Variants in MTDH observed in about 807,000 individuals in gnomAD.
MTDH encodes the protein metadherin, also known as protein LYRIC.
In MTDH, 34 loss-of-function variants were observed where a neutral mutation model predicts 72.7. That is an observed-to-expected ratio of 0.47 (90% confidence interval 0.36 to 0.62). MTDH has a LOEUF of 0.62. Among genes scored for constraint, MTDH ranks in the 20% least tolerant of loss-of-function variants. The pLI is 0.00. For synonymous variants in MTDH, 266 were observed against 268.9 expected (o/e 0.99, Z 0.10); for missense variants, 677 against 699.4 (o/e 0.97, Z 0.36).
At chr8:97,645,697 A>C (rs982227915) in intron 1 of MTDH, among the ~76,000 whole-genome samples, 1 of 152,216 alleles carries the variant, frequency 6.6e-6, no homozygotes, top group Non-Finnish European at 1.5e-5. Flanking sequence ...GAAGTTGCAG[A>C]GGGCATCACG....
At chr8:97,714,464 C>T (rs1814768050) in intron 9 of MTDH, among the ~76,000 whole-genome samples, 1 of 149,616 alleles carries the variant, frequency 6.7e-6, no homozygotes, top group South Asian at 2.2e-4. Context: ...ATTAGCTAGG[C>T]ACGGTGGCAT....
At chr8:97,678,226 C>G (rs565981747) in intron 2 of MTDH, among the ~76,000 whole-genome samples, 1 of 152,254 alleles carries the variant, frequency 6.6e-6, no homozygotes, top group South Asian at 2.1e-4. Context: ...ACTTATTTAA[C>G]TTTTTTGAAT....
intron 8 of MTDH, among the ~76,000 whole-genome samples, chr8:97,712,880 A>G (rs1202353351): frequency 2.0e-5 from 3 of 151,724 alleles, no homozygotes; most frequent in Non-Finnish European, 4.4e-5. Flanking sequence ...ATTTTTTTTT[A>G]AACTTGAGTG....
intron 2 of MTDH, among the ~76,000 whole-genome samples, chr8:97,677,004 C>CAAAAAAA (rs57430782): frequency 0.46 from 10,741 of 23,248 alleles, 4,222 homozygotes; most frequent in Non-Finnish European, 0.57. Flanking sequence ...GACTCTATCT[C>CAAAAAAA]AAAAAAAAAA....
In MTDH at chr8:97,718,526, G is replaced by GT. The variant is rs10708788; in HGVS notation, c.1381-513dup. 4.6e-3 allele frequency among the ~76,000 whole-genome samples: 662 copies of GT among 143,850 alleles called. 4 individuals carry two copies. Among genetic ancestry groups the GT allele is most frequent in the Non-Finnish European group, 6.1e-3 (395 of 64,912 alleles). The allele number at this position is 143,850 out of a possible 152,430, so 94.4% of individuals were successfully genotyped here. ...TTTTGTTTTTGTTTTTGTTTTTTTT[G>GT]TTTTTTTTTTGTGAGACAGAGTTTT... On this transcript the variant is annotated intron_variant, in intron 9 of 11. Coordinates refer to ENST00000336273, the MANE Select transcript of MTDH (RefSeq NM_178812.4).
rs181304967 is a variant in MTDH, at chr8:97,659,138, G to A, written c.382-1934G>A. 2.1e-4 allele frequency among the ~76,000 whole-genome samples: 29 copies of A among 138,530 alleles called. No individual in the cohort carries two copies. In the East Asian group the frequency reaches 4.3e-3, roughly 21 times the overall value. 90.9% of individuals were successfully genotyped at this position (138,530 alleles called of 152,430 possible). The stretch of plus-strand genomic sequence containing the variant: ...AGCCTGGGCAACAGAGCGAGACTGC[G>A]TCTCAAAAAAAAAAAAAATGATGAT... On this transcript the variant is annotated intron_variant, in intron 1 of 11. Transcript: ENST00000336273.
chr8:97,696,388 A>G, intron 6 of MTDH: 2 of 473,386 alleles, frequency 4.2e-6, no homozygotes, highest in Non-Finnish European at 5.5e-6. Context: ...AAGTACTGCT[A>G]TCAATATAAA....
intron 2 of MTDH, among the ~76,000 whole-genome samples, chr8:97,679,735 G>A (rs1812994473): frequency 6.6e-6 from 1 of 152,128 alleles, no homozygotes; most frequent in Admixed American, 6.5e-5. Flanking sequence ...ATATCTTGGG[G>A]TATATGCTCA....
intron 2 of MTDH, among the ~76,000 whole-genome samples, chr8:97,665,886 A>AG (rs1812364157): frequency 6.6e-6 from 1 of 152,130 alleles, no homozygotes; most frequent in African/African-American, 2.4e-5. Context: ...CAGCACTTTG[A>AG]GAGGCAGAGG....
In MTDH at chr8:97,693,419, C is replaced by T. The variant is rs1308028730; in HGVS notation, c.1048+2231C>T. Among the ~76,000 whole-genome samples the T allele has an allele frequency of 3.3e-5, 5 of 152,310 alleles. No individual in the cohort carries two copies. The East Asian group carries it at 9.7e-4, about 29-fold the overall frequency. The stretch of plus-strand genomic sequence containing the variant: ...TGCAATCTCAGCTCACTGCAACCTC[C>T]ACCTCTCAGGTTCAAGTGATTCTCC... On this transcript the variant is annotated intron_variant, in intron 6 of 11. Transcript: ENST00000336273.
At chr8:97,683,763 C>A (rs1425563560) in intron 2 of MTDH, among the ~76,000 whole-genome samples, 1 of 152,086 alleles carries the variant, frequency 6.6e-6, no homozygotes, top group Non-Finnish European at 1.5e-5. Flanking sequence ...TTCCTGTGGA[C>A]CTGCACTGTC....
intron 1 of MTDH, among the ~76,000 whole-genome samples, chr8:97,657,983 G>A (rs1007451530): frequency 1.3e-5 from 2 of 152,132 alleles, no homozygotes; most frequent in East Asian, 1.9e-4. Context: ...AGGCCTTCTC[G>A]ACCAGCTGTT....
chr8:97,722,041 T>C (rs778049338), intron 10 of MTDH, among the ~76,000 whole-genome samples: 2 of 152,168 alleles, frequency 1.3e-5, no homozygotes, highest in African/African-American at 2.4e-5. Flanking sequence ...CCTTCTGTTT[T>C]TCACAAAAAT....
intron 2 of MTDH, among the ~76,000 whole-genome samples, chr8:97,683,081 T>C (rs1445289520): frequency 7.8e-6 from 1 of 128,720 alleles, no homozygotes; most frequent in East Asian, 2.2e-4. Context: ...TTTTTTTTTT[T>C]TGAGATGGAG....
intron 2 of MTDH, among the ~76,000 whole-genome samples, chr8:97,664,543 T>C (rs1812301818): frequency 6.6e-6 from 1 of 152,216 alleles, no homozygotes; most frequent in African/African-American, 2.4e-5. Context: ...ATGCTACAAC[T>C]CATGGCTGGT....
intron 10 of MTDH, among the ~76,000 whole-genome samples, chr8:97,719,492 CAAA>C (rs11383714): frequency 3.6e-4 from 29 of 79,916 alleles, no homozygotes; most frequent in East Asian, 2.2e-3. Context: ...GACACTGTCT[CAAA>C]AAAAAAAAAA....
At chr8:97,722,393 A>G (rs1239504856) in intron 10 of MTDH, among the ~76,000 whole-genome samples, 2 of 152,188 alleles carry the variant, frequency 1.3e-5, no homozygotes, top group African/African-American at 4.8e-5. Flanking sequence ...CGAAGTCAAG[A>G]GATCGAGACC....
At chr8:97,722,808 T>C in intron 10 of MTDH, 71 bp from the exon 11 acceptor site, 4 of 1,464,936 alleles carry the variant, frequency 2.7e-6, no homozygotes, top group Non-Finnish European at 3.7e-6. Context: ...CACCTCTTGG[T>C]ATTACTGTGA....
At chr8:97,658,846 AGAT>A (rs1812072114) in intron 1 of MTDH, among the ~76,000 whole-genome samples, 1 of 152,170 alleles carries the variant, frequency 6.6e-6, no homozygotes, top group African/African-American at 2.4e-5. Flanking sequence ...TATAAGAATA[AGAT>A]GATGATATTA....
Sources: gnomAD v4.1 joint callset for allele counts (sites outside exome capture counted in the v4.1 genomes callset) on GRCh38, gnomAD v4.1.1 for gene constraint, MANE v1.5 for transcripts, NCBI Gene and HGNC (gene_info 2026-07-23, HGNC 2026-07-21) for gene names.